The following CPED1 variants were observed in gnomAD, a reference collection of about 807,000 sequenced individuals.
CPED1 encodes the protein cadherin-like and PC-esterase domain-containing protein 1.
A neutral mutation model predicts 128.2 loss-of-function variants in CPED1; 114 were observed. The observed-to-expected ratio is 0.89, with a 90% CI of 0.76 to 1.04. CPED1 has a LOEUF of 1.04. Ranked by LOEUF, CPED1 falls within the 50% of genes least tolerant of loss-of-function variation. The pLI is 0.00. For missense variants in CPED1, 1,211 were observed against 1,207.1 expected (o/e 1.00, Z -0.05); for synonymous variants, 462 against 426.7 (o/e 1.08, Z -1.02).
chr7:121,035,918 G>A (rs115808717), intron 3 of CPED1, among the ~76,000 whole-genome samples: 2,937 of 151,698 alleles, frequency 0.019, 93 homozygotes, highest in African/African-American at 0.067. Flanking sequence ...AAATTTGTAC[G>A]TTTTCAGCAG....
At chr7:121,035,266 T>C (rs1446192002) in intron 3 of CPED1, among the ~76,000 whole-genome samples, 1 of 152,134 alleles carries the variant, frequency 6.6e-6, no homozygotes, top group Non-Finnish European at 1.5e-5. Flanking sequence ...ATCTGTATTT[T>C]AAGAGAATAA....
chr7:121,185,965 T>C (rs1796992388), intron 16 of CPED1, among the ~76,000 whole-genome samples: 1 of 152,214 alleles, frequency 6.6e-6, no homozygotes, highest in South Asian at 2.1e-4. Context: ...TGATTAGTCA[T>C]ATATCGTGTT....
chr7:121,056,564 C>G (rs1585043853), intron 4 of CPED1, among the ~76,000 whole-genome samples: 1 of 152,136 alleles, frequency 6.6e-6, no homozygotes, highest in East Asian at 1.9e-4. Flanking sequence ...CTGTGTTCTC[C>G]TAATTCTTAT....
At chr7:121,042,484 C>G (rs1793084019) in intron 3 of CPED1, among the ~76,000 whole-genome samples, 2 of 152,158 alleles carry the variant, frequency 1.3e-5, no homozygotes, top group African/African-American at 4.8e-5. Context: ...TTCTACTCCA[C>G]AGGGTTGTTG....
At chr7:121,144,439 A>G (rs1795976079) in intron 16 of CPED1, among the ~76,000 whole-genome samples, 1 of 152,088 alleles carries the variant, frequency 6.6e-6, no homozygotes, top group African/African-American at 2.4e-5. Flanking sequence ...CAAAAAGACA[A>G]ATATCACATG....
At chr7:121,023,322 T>C (rs911544486) in intron 3 of CPED1, among the ~76,000 whole-genome samples, 1 of 152,092 alleles carries the variant, frequency 6.6e-6, no homozygotes, top group Admixed American at 6.6e-5. Context: ...TTTTAGTAAC[T>C]CAAGAGGGCA....
chr7:121,241,450 C>G (rs1318240455), intron 17 of CPED1, among the ~76,000 whole-genome samples: 2 of 148,148 alleles, frequency 1.3e-5, no homozygotes, highest in Non-Finnish European at 1.5e-5. Context: ...TTTATTTTGC[C>G]ATTCAAAAAC....
intron 22 of CPED1, among the ~76,000 whole-genome samples, chr7:121,294,585 T>C (rs1490695286): frequency 6.6e-6 from 1 of 152,144 alleles, no homozygotes; most frequent in Admixed American, 6.6e-5. Flanking sequence ...CCAGGGCTTA[T>C]ATGCCATTGG....
At chr7:121,129,943 G>A (rs2116332553) in intron 11 of CPED1, among the ~76,000 whole-genome samples, 182 bp from the exon 12 acceptor site, 1 of 150,958 alleles carries the variant, frequency 6.6e-6, no homozygotes, top group South Asian at 2.1e-4. Flanking sequence ...AACAAAATTA[G>A]TTTCTTATAA....
intron 18 of CPED1, among the ~76,000 whole-genome samples, chr7:121,247,279 A>G (rs1798560365): frequency 1.3e-5 from 2 of 152,236 alleles, no homozygotes; most frequent in Admixed American, 1.3e-4. Context: ...AGTAACAAAC[A>G]GTTAAGAGTA....
At chr7:121,290,995 G>C (rs904177139) in intron 22 of CPED1, among the ~76,000 whole-genome samples, 2 of 152,142 alleles carry the variant, frequency 1.3e-5, no homozygotes, top group African/African-American at 4.8e-5. Context: ...TGTAAGGAAG[G>C]GGTCCAGTTT....
intron 5 of CPED1, among the ~76,000 whole-genome samples, chr7:121,067,473 A>G (rs1039775466): frequency 1.3e-5 from 2 of 152,130 alleles, no homozygotes; most frequent in Non-Finnish European, 2.9e-5. Context: ...ATAGTATTCC[A>G]TGGTGTACAC....
intron 3 of CPED1, among the ~76,000 whole-genome samples, chr7:121,033,718 T>G (rs1029572460): frequency 6.6e-6 from 1 of 152,208 alleles, no homozygotes; most frequent in Non-Finnish European, 1.5e-5. Flanking sequence ...CTCCAAAGAT[T>G]GTTGAAAATA....
At chr7:121,242,464 A>T (rs1236520748) in intron 17 of CPED1, among the ~76,000 whole-genome samples, 2 of 152,204 alleles carry the variant, frequency 1.3e-5, no homozygotes, top group Non-Finnish European at 2.9e-5. Flanking sequence ...AATTATTATG[A>T]TATTTTAACA....
intron 22 of CPED1, 136 bp from the exon 23 acceptor site, chr7:121,295,304 T>G: frequency 1.0e-5 from 11 of 1,071,610 alleles, no homozygotes; most frequent in Non-Finnish European, 1.4e-5. Context: ...TAGCCATTCC[T>G]GGTTATGTAA....
chr7:121,116,019 G>A (rs552110332), intron 7 of CPED1, among the ~76,000 whole-genome samples: 1 of 152,026 alleles, frequency 6.6e-6, no homozygotes, highest in East Asian at 1.9e-4. Context: ...TGCAATCAAG[G>A]GTCCATCATT....
intron 16 of CPED1, among the ~76,000 whole-genome samples, chr7:121,225,440 C>G (rs566575236): frequency 6.6e-6 from 1 of 152,230 alleles, no homozygotes; most frequent in Admixed American, 6.5e-5. Flanking sequence ...CTTGGTGAAT[C>G]TAACAATTAT....
intron 16 of CPED1, among the ~76,000 whole-genome samples, chr7:121,190,422 T>A (rs1797109717): frequency 6.6e-6 from 1 of 151,378 alleles, no homozygotes; most frequent in Non-Finnish European, 1.5e-5. Flanking sequence ...GACTAGATTT[T>A]ATTGGACAGG....
chr7:121,025,249 A>G (rs1486441450), intron 3 of CPED1, among the ~76,000 whole-genome samples: 2 of 151,852 alleles, frequency 1.3e-5, no homozygotes, highest in Non-Finnish European at 2.9e-5. Context: ...AAAAAGTAGA[A>G]ATTTTTTCTT....
Sources: allele counts gnomAD v4.1 joint callset (sites outside exome capture counted in the v4.1 genomes callset), GRCh38; gene constraint gnomAD v4.1.1; transcripts MANE v1.5; gene names NCBI Gene and HGNC (gene_info 2026-07-23, HGNC 2026-07-21).